C6: variants seen among roughly 807,000 people sequenced by gnomAD.
The protein encoded by C6 is complement component C6.
A neutral mutation model predicts 112.9 loss-of-function variants in C6; 101 were observed. The observed-to-expected ratio is 0.89, with a 90% CI of 0.76 to 1.06. The LOEUF (loss-of-function observed/expected upper bound fraction) is 1.06, where lower values mean the gene tolerates loss of function less well. Ranked by LOEUF, C6 falls within the 50% of genes least tolerant of loss-of-function variation. The pLI is 0.00. For missense variants in C6, 1,202 were observed against 1,104.6 expected, an observed-to-expected ratio of 1.09 and a Z score of -1.25; for synonymous variants, 431 against 384.1, an observed-to-expected ratio of 1.12 and a Z score of -1.43.
chr5:41,172,348 C>T lies in C6; in HGVS notation c.1169-1G>A, dbSNP rs754595377. Reference sequence around the variant, plus strand: ...TGTTTGGCTTCTTCCTCGGTTAAACCTAGGAGATGAAGTACAAACAGAAAC... The same window carrying T: ...TGTTTGGCTTCTTCCTCGGTTAAACTTAGGAGATGAAGTACAAACAGAAAC... On this transcript the variant is annotated splice_acceptor_variant, in intron 8 of 17. Coordinates refer to ENST00000337836, the MANE Select transcript of C6 (RefSeq NM_000065.5). LOFTEE classifies it high-confidence loss of function. The T allele has an allele frequency of 1.2e-5, 20 of 1,613,426 alleles. No individual in the cohort carries two copies. Among genetic ancestry groups the T allele is most frequent in the Non-Finnish European group, 1.7e-5 (20 of 1,179,646 alleles).
At chr5:41,149,857 G>A (rs546530850) in intron 16 of C6, 78 bp downstream of exon 16, 2 of 928,362 alleles carry the variant, frequency 2.2e-6, no homozygotes, top group South Asian at 1.3e-5. Context: ...GCTTCAAAAA[G>A]CTCAGCTCTT....
intron 9 of C6, among the ~76,000 whole-genome samples, chr5:41,164,841 C>A (rs1747845708): frequency 6.6e-6 from 1 of 152,038 alleles, no homozygotes; most frequent in Non-Finnish European, 1.5e-5. Context: ...AATTTTTATA[C>A]TGAAGTATAA....
At position 41,201,560 on chromosome 5, in the gene C6, G is replaced by A; in HGVS notation, c.298C>T (p.Gln100Ter). Residue 100 changes from glutamine (Q) to a stop codon, truncating the protein, a stop_gained and splice_region_variant, in exon 3 of 18, where the codon CAG becomes TAG. Transcript: ENST00000337836. LOFTEE classifies it high-confidence loss of function. ...WSDCDPCIEK[Q>*]SKVRSVLRPS... ...TGGAAATGCCCATGGTTGCCTACCT[G>A]TTTTTCAATACAAGGGTCACAGTCT... 2 of 1,613,522 alleles carry A rather than the reference G, an allele frequency of 1.2e-6. No individual in the cohort carries two copies. The highest frequency in any genetic ancestry group is 4.5e-5 in the East Asian group (2 of 44,788).
intron 17 of C6, among the ~76,000 whole-genome samples, chr5:41,146,142 G>A (rs555852368): frequency 6.6e-6 from 1 of 152,252 alleles, no homozygotes; most frequent in South Asian, 2.1e-4. Context: ...CATCATCATG[G>A]CTGCTAAATG....
At chr5:41,260,852 A>T (rs1159448178) in intron 1 of C6, among the ~76,000 whole-genome samples, 1 of 152,136 alleles carries the variant, frequency 6.6e-6, no homozygotes, top group Non-Finnish European at 1.5e-5. Context: ...AGTCCTATAG[A>T]TGGATACTGT....
In C6 at chr5:41,191,067, C is replaced by CTTTTTTTTT. The variant is rs142519688; in HGVS notation, c.587+4716_587+4724dup. Among the ~76,000 whole-genome samples, 67 of 84,728 alleles carry CTTTTTTTTT rather than the reference C, an allele frequency of 7.9e-4. 2 individuals carry two copies. Among genetic ancestry groups the CTTTTTTTTT allele is most frequent in the African/African-American group, 1.5e-3 (30 of 20,074 alleles). The allele number at this position is 84,728 out of a possible 152,430, so 55.6% of individuals were successfully genotyped here. ...AAATGTAGTAGTGTGATGCCTTTGG[C>CTTTTTTTTT]TTTTTTTTTTTTTTTTTTTTGCAGA... is the stretch of plus-strand genomic sequence containing the variant. On this transcript the variant is annotated intron_variant, in intron 5 of 17. Coordinates refer to ENST00000337836, the MANE Select transcript of C6 (RefSeq NM_000065.5).
intron 7 of C6, among the ~76,000 whole-genome samples, chr5:41,178,944 C>A (rs1166461353): frequency 1.3e-5 from 2 of 152,170 alleles, no homozygotes; most frequent in South Asian, 2.1e-4. Context: ...ACCTCCGCCT[C>A]CCGGGTTCAA....
At chr5:41,149,217 A>C in intron 17 of C6, 24 bp downstream of exon 17, 1 of 1,613,552 alleles carries the variant, frequency 6.2e-7, no homozygotes, top group South Asian at 1.1e-5. Context: ...GAGAGCATTT[A>C]GTATGGTCAC....
chr5:41,226,626 G>C (rs1004736338), intron 1 of C6, among the ~76,000 whole-genome samples: 2 of 151,974 alleles, frequency 1.3e-5, no homozygotes, highest in African/African-American at 4.8e-5. Context: ...CCCTCCTGCG[G>C]CCCCTGCTAA....
intron 1 of C6, among the ~76,000 whole-genome samples, chr5:41,230,261 TGGGCAGAA>T (rs1739808577): frequency 2.6e-5 from 4 of 152,090 alleles, no homozygotes; most frequent in Non-Finnish European, 5.9e-5. Context: ...ACTGGGGGGT[TGGGCAGAA>T]TAGAGCCATA....
chr5:41,154,107 G>A, intron 14 of C6, 109 bp from the exon 15 acceptor site: 2 of 897,620 alleles, frequency 2.2e-6, no homozygotes, highest in South Asian at 2.8e-5. Context: ...TACTGCATCT[G>A]TTCAGCTTTG....
At chr5:41,246,779 A>G (rs1386534203) in intron 1 of C6, among the ~76,000 whole-genome samples, 1 of 152,200 alleles carries the variant, frequency 6.6e-6, no homozygotes, top group African/African-American at 2.4e-5. Context: ...GGGCAAGACA[A>G]ACAAACTTAC....
intron 1 of C6, among the ~76,000 whole-genome samples, chr5:41,254,883 T>C (rs903957410): frequency 9.2e-5 from 14 of 152,192 alleles, no homozygotes; most frequent in Non-Finnish European, 1.9e-4. Context: ...CGTTTTAGTC[T>C]CCTAGATAAT....
chr5:41,160,902 C>T (rs945980142), intron 10 of C6, among the ~76,000 whole-genome samples: 1 of 152,066 alleles, frequency 6.6e-6, no homozygotes, highest in South Asian at 2.1e-4. Context: ...AAATAATAGG[C>T]TAATGATAAA....
intron 8 of C6, among the ~76,000 whole-genome samples, chr5:41,174,201 T>C (rs761496048): frequency 2.6e-5 from 4 of 152,218 alleles, no homozygotes; most frequent in Non-Finnish European, 4.4e-5. Context: ...ATCTGGACTT[T>C]ATCAATGAAT....
chr5:41,159,161 C>T lies in C6; in HGVS notation c.1777G>A (p.Ala593Thr), dbSNP rs747732468. 6.2e-6 allele frequency: 10 copies of T among 1,613,468 alleles called. No homozygotes were observed. The African/African-American group carries it at 1.2e-4, about 19-fold the overall frequency. The change falls in exon 12 of 18, where the codon GCC (alanine) becomes ACC (threonine). Residue 593 changes from alanine to threonine, a missense_variant. Transcript: ENST00000337836. ...CAGCGTTTCCCTCCTCGTTGGGGGG[C>T]AGGATTATTGCATTCTCGGGTTCTC... ...RSRTRECNNP[A>T]PQRGGKRCEG...
Position 41,225,953 on chromosome 5 carries a change from A to C in C6, c.-20-22703T>G, listed in dbSNP as rs189696390. Reference sequence around the variant, plus strand: ...TTACACCTTATACAAAAATTAATTCAAGATGGATTAAATACTTAAATGTTA... The same window carrying C: ...TTACACCTTATACAAAAATTAATTCCAGATGGATTAAATACTTAAATGTTA... On this transcript the variant is annotated intron_variant, in intron 1 of 17. Transcript: ENST00000263413. 5.5e-3 allele frequency among the ~76,000 whole-genome samples: 834 copies of C among 152,320 alleles called. 6 individuals are homozygous for C. The highest frequency in any genetic ancestry group is 0.019 in the African/African-American group (793 of 41,554).
chr5:41,203,066 A>G, intron 2 of C6, 22 bp downstream of exon 2: 2 of 1,613,430 alleles, frequency 1.2e-6, no homozygotes, highest in South Asian at 2.2e-5. Flanking sequence ...ACACAAAGAA[A>G]AGCCACAAAG....
At chr5:41,248,000 G>A (rs916430124) in intron 1 of C6, among the ~76,000 whole-genome samples, 3 of 152,078 alleles carry the variant, frequency 2.0e-5, no homozygotes, top group Non-Finnish European at 4.4e-5. Flanking sequence ...CAATGGAACA[G>A]AACAGAGAAC....
Sources: gnomAD v4.1 joint callset for allele counts (sites outside exome capture counted in the v4.1 genomes callset) on GRCh38, gnomAD v4.1.1 for gene constraint, MANE v1.5 for transcripts, NCBI Gene and HGNC (gene_info 2026-07-23, HGNC 2026-07-21) for gene names.